The following MAP7 variants were observed in gnomAD, a reference collection of about 807,000 sequenced individuals.
MAP7 encodes the protein ensconsin.
A neutral mutation model predicts 94.8 loss-of-function variants in MAP7; 52 were observed. That is an observed-to-expected ratio of 0.55 (90% CI 0.44 to 0.69). The LOEUF (loss-of-function observed/expected upper bound fraction) is 0.69. Ranked by LOEUF, MAP7 falls within the 30% of genes least tolerant of loss-of-function variation. The probability of loss-of-function intolerance (pLI) is 0.00; values close to 1 mark genes in which losing one functional copy is unlikely to be tolerated. For missense variants in MAP7, 940 were observed against 964.6 expected (o/e 0.97, Z 0.34); for synonymous variants, 350 against 357.0 (o/e 0.98, Z 0.22).
chr6:136,503,456 C>T (rs982240992), intron 1 of MAP7, among the ~76,000 whole-genome samples: 2 of 152,114 alleles, frequency 1.3e-5, no homozygotes, highest in South Asian at 2.1e-4. Context: ...AACCCTGACC[C>T]GCCATGTCAA....
At chr6:136,501,247 C>T (rs955497380) in intron 1 of MAP7, among the ~76,000 whole-genome samples, 5 of 152,168 alleles carry the variant, frequency 3.3e-5, no homozygotes, top group African/African-American at 9.7e-5. Context: ...TATGAAGCTT[C>T]GGGCAACAGA....
intron 1 of MAP7, among the ~76,000 whole-genome samples, chr6:136,514,598 A>T (rs1824258668): frequency 6.6e-6 from 1 of 151,656 alleles, no homozygotes. Flanking sequence ...AAAAAAAAAA[A>T]AAAAAAAAAG....
chr6:136,345,882 T>A lies in MAP7; in HGVS notation c.2213A>T (p.Asp738Val). The A allele has an allele frequency of 6.2e-7, 1 of 1,614,172 alleles. No homozygotes were observed. ...EGTLGPLPQV[D>V]GVQTQQTAEV... ...TGCAGTCTGCTGTGTCTGAACACCA[T>A]CTACCTGAGGCAGGGGCCCAAGTGT... Residue 738 changes from aspartate (D) to valine (V), a missense_variant, in exon 17 of 18, where the codon GAT (aspartate) becomes GTT (valine). Asp to Val is a radical substitution (Grantham distance 152). Transcript: ENST00000354570.
At position 136,365,867 on chromosome 6, in the gene MAP7, C is replaced by A; in HGVS notation, c.1141G>T (p.Glu381Ter). 6.2e-7 allele frequency: 1 copy of A among 1,614,182 alleles called. No individual in the cohort carries two copies. Among genetic ancestry groups the A allele is most frequent in the South Asian group, 1.1e-5 (1 of 91,084 alleles). ...PVKREVKVEP[E>*]KKDPEKEPQK... ...GGTTCCTTCTCAGGATCTTTCTTCT[C>A]AGGCTCCACTTTGACTTCCCTCTTG... is the stretch of plus-strand genomic sequence containing the variant. Residue 381 changes from glutamate (E) to a stop codon, truncating the protein, a stop_gained, in exon 10 of 18, where the codon GAG becomes TAG. Transcript: ENST00000354570. LOFTEE classifies it high-confidence loss of function.
At chr6:136,444,934 T>C (rs1798875338) in intron 1 of MAP7, among the ~76,000 whole-genome samples, 1 of 152,234 alleles carries the variant, frequency 6.6e-6, no homozygotes, top group South Asian at 2.1e-4. Flanking sequence ...GAAAGAGGTC[T>C]GACCCTGCTA....
chr6:136,349,534 C>T (rs556332337), intron 16 of MAP7, among the ~76,000 whole-genome samples: 93 of 152,184 alleles, frequency 6.1e-4, no homozygotes, highest in African/African-American at 2.0e-3. Flanking sequence ...CCACTGCCCT[C>T]GGCTGATCTT....
intron 1 of MAP7, among the ~76,000 whole-genome samples, chr6:136,493,743 G>A (rs1817411693): frequency 6.6e-6 from 1 of 152,020 alleles, no homozygotes; most frequent in Non-Finnish European, 1.5e-5. Flanking sequence ...CGTTCTCATT[G>A]GGATTCAATT....
intron 1 of MAP7, among the ~76,000 whole-genome samples, chr6:136,484,240 A>G (rs999345154): frequency 2.0e-5 from 3 of 152,232 alleles, no homozygotes; most frequent in Admixed American, 1.3e-4. Context: ...ACAAAAGCAA[A>G]AAGAAATATT....
At chr6:136,547,496 G>A (rs1010576280) in intron 1 of MAP7, among the ~76,000 whole-genome samples, 2 of 152,008 alleles carry the variant, frequency 1.3e-5, no homozygotes, top group Non-Finnish European at 2.9e-5. Flanking sequence ...ATCACCCATC[G>A]TAGGTCGACT....
intron 13 of MAP7, 122 bp from the exon 14 acceptor site, chr6:136,360,153 C>CTT (rs200986298): frequency 8.3e-3 from 4,899 of 593,762 alleles, no homozygotes; most frequent in East Asian, 0.014. Flanking sequence ...ACAATATGCA[C>CTT]TTTTTTTTTT....
In MAP7 at chr6:136,526,311, A is replaced by G. The variant is rs1827866822; in HGVS notation, c.67+24031T>C. The G allele has an allele frequency of 3.9e-6, 4 of 1,015,480 alleles. No individual in the cohort carries two copies. The African/African-American group carries it at 7.1e-5, about 18-fold the overall frequency. The allele number at this position is 1,015,480 out of a possible 1,614,324, so 62.9% of individuals were successfully genotyped here. On this transcript the variant is annotated intron_variant, in intron 1 of 17. Coordinates refer to ENST00000354570, the MANE Select transcript of MAP7 (RefSeq NM_003980.6). ...CACACACACACACACTCCTTCCAGA[A>G]AAGCCCTACTACAGACACGCAGGGT...
intron 1 of MAP7, among the ~76,000 whole-genome samples, chr6:136,479,000 G>GAAAAAAAGA (rs755126805): frequency 9.0e-6 from 1 of 111,320 alleles, no homozygotes; most frequent in Admixed American, 8.7e-5. Context: ...AAAAAAGAAA[G>GAAAAAAAGA]AAAGAAAAGA....
intron 1 of MAP7, chr6:136,526,642 A>T (rs1827949623): frequency 2.0e-6 from 2 of 985,422 alleles, no homozygotes; most frequent in African/African-American, 1.7e-5. Flanking sequence ...TCTTCCTCTC[A>T]GCGGCAGCGC....
rs1254526607 is a variant in MAP7 at position 136,389,280 on chromosome 6, C to A, written c.408+74G>T. 35 of 1,494,410 alleles carry A rather than the reference C, an allele frequency of 2.3e-5. No individual in the cohort carries two copies. The East Asian group carries it at 7.9e-4, about 34-fold the overall frequency. 92.6% of individuals were successfully genotyped at this position (1,494,410 alleles called of 1,614,324 possible). A position where few individuals can be genotyped will look rare whatever the true frequency, so the allele number is the denominator to read the frequency against. On this transcript the variant is annotated intron_variant, in intron 4 of 17. Transcript: ENST00000354570. Reference sequence around the variant, plus strand: ...TTGCTTTGCACCCTGCACCTGACTGCAAAGTTTCACAGAAAGTTTGCTGCA... The same window carrying A: ...TTGCTTTGCACCCTGCACCTGACTGAAAAGTTTCACAGAAAGTTTGCTGCA...
chr6:136,455,833 T>C (rs1802705695), intron 1 of MAP7, among the ~76,000 whole-genome samples: 1 of 152,156 alleles, frequency 6.6e-6, no homozygotes, highest in South Asian at 2.1e-4. Flanking sequence ...GGCACAAATT[T>C]TCTTTTTGTA....
rs997138 is a variant in MAP7, at chr6:136,430,111, C to T, written c.68-8312G>A. On this transcript the variant is annotated intron_variant, in intron 1 of 17. Transcript: ENST00000354570. ...CCATCTATATTTTAACCGCTGGAAACGGAGTTTATCAAATTAGACCCAATT... is the reference window on the plus strand; with the variant it reads ...CCATCTATATTTTAACCGCTGGAAATGGAGTTTATCAAATTAGACCCAATT... Among the ~76,000 whole-genome samples the T allele has an allele frequency of 9.0e-3, 1,364 of 152,258 alleles. 59 individuals are homozygous for T. In the East Asian group the frequency reaches 0.14, roughly 15 times the overall value.
intron 1 of MAP7, among the ~76,000 whole-genome samples, chr6:136,494,947 G>A (rs937381049): frequency 6.6e-5 from 10 of 152,070 alleles, no homozygotes; most frequent in Non-Finnish European, 1.2e-4. Context: ...CACACAAACA[G>A]AGAGAAATGA....
rs1786833605 is a variant in MAP7, at chr6:136,342,904, A to G, written c.*1324T>C. 1.3e-5 allele frequency: 2 copies of G among 151,506 alleles called. No homozygotes were observed. The highest frequency in any genetic ancestry group is 4.9e-5 in the African/African-American group (2 of 40,964). 9.4% of individuals were successfully genotyped at this position (151,506 alleles called of 1,614,324 possible). On this transcript the variant is annotated 3_prime_UTR_variant, in exon 18 of 18. Transcript: ENST00000354570. ...TTTTCACAAATTACAAGCCATTACT[A>G]AAGACCATATGCCTGGATTAAAAAA...
intron 1 of MAP7, among the ~76,000 whole-genome samples, chr6:136,507,375 C>A (rs1821857976): frequency 6.7e-6 from 1 of 148,438 alleles, no homozygotes; most frequent in African/African-American, 2.5e-5. Flanking sequence ...TGCCTAAAGT[C>A]AGAATTACTG....
Sources: allele counts gnomAD v4.1 joint callset (sites outside exome capture counted in the v4.1 genomes callset), GRCh38; gene constraint gnomAD v4.1.1; transcripts MANE v1.5; gene names NCBI Gene and HGNC (gene_info 2026-07-23, HGNC 2026-07-21).